Variants in LRP1B observed in about 807,000 individuals in gnomAD.
LRP1B encodes the protein LDL receptor related protein 1B, also known as low-density lipoprotein receptor-related protein 1B.
In LRP1B, 217 loss-of-function variants were observed where a neutral mutation model predicts 556.6. The observed-to-expected ratio is 0.39, with a 90% CI of 0.35 to 0.44. The LOEUF (loss-of-function observed/expected upper bound fraction) is 0.44, where lower values mean the gene tolerates loss of function less well. Ranked by LOEUF, LRP1B falls within the 20% of genes least tolerant of loss-of-function variation. The pLI is 1.00. For missense variants in LRP1B, 5,053 were observed against 5,620.8 expected, an observed-to-expected ratio of 0.90 and a Z score of 3.23; for synonymous variants, 2,047 against 1,865.8, an observed-to-expected ratio of 1.10 and a Z score of -2.50.
intron 41 of LRP1B, among the ~76,000 whole-genome samples, chr2:140,603,111 G>C (rs932220510): frequency 6.6e-6 from 1 of 151,940 alleles, no homozygotes; most frequent in Non-Finnish European, 1.5e-5. Context: ...GTCTTAACTT[G>C]TTTGACTCTA....
At chr2:141,715,863 A>G (rs1692565613) in intron 2 of LRP1B, among the ~76,000 whole-genome samples, 1 of 152,148 alleles carries the variant, frequency 6.6e-6, no homozygotes, top group South Asian at 2.1e-4. Flanking sequence ...CAGTGCAGAA[A>G]CAAACAAAAA....
chr2:141,724,235 C>T (rs1203356527), intron 2 of LRP1B, among the ~76,000 whole-genome samples: 1 of 151,834 alleles, frequency 6.6e-6, no homozygotes, highest in Admixed American at 6.6e-5. Flanking sequence ...AAACAAACTA[C>T]ATATAAGGAT....
At chr2:141,746,899 T>G (rs996433096) in intron 2 of LRP1B, among the ~76,000 whole-genome samples, 2 of 152,154 alleles carry the variant, frequency 1.3e-5, no homozygotes, top group Admixed American at 6.6e-5. Flanking sequence ...CAAGTGATAT[T>G]CCCTCAATGC....
At chr2:142,096,425 C>T (rs549957164) in intron 1 of LRP1B, among the ~76,000 whole-genome samples, 2 of 146,954 alleles carry the variant, frequency 1.4e-5, no homozygotes, top group Admixed American at 6.9e-5. Flanking sequence ...CACATGACCA[C>T]GAAAATAAAT....
intron 1 of LRP1B, among the ~76,000 whole-genome samples, chr2:141,982,885 T>C (rs1440956772): frequency 1.3e-5 from 2 of 152,228 alleles, no homozygotes; most frequent in Non-Finnish European, 2.9e-5. Flanking sequence ...TTTTCTTTTA[T>C]GCTAAACAAG....
At chr2:141,535,179 T>G (rs187855058) in intron 2 of LRP1B, among the ~76,000 whole-genome samples, 37 of 152,302 alleles carry the variant, frequency 2.4e-4, no homozygotes, top group East Asian at 1.9e-3. Context: ...CTTTAAATAC[T>G]CAGGCTTGAC....
intron 49 of LRP1B, among the ~76,000 whole-genome samples, chr2:140,524,707 A>AT (rs1690349637): frequency 6.6e-6 from 1 of 151,880 alleles, no homozygotes; most frequent in Admixed American, 6.6e-5. Flanking sequence ...AGAAAACCAT[A>AT]TATCACATGT....
intron 41 of LRP1B, among the ~76,000 whole-genome samples, chr2:140,683,168 G>A (rs1470180): frequency 0.86 from 131,161 of 152,140 alleles, 56,657 homozygotes; most frequent in Non-Finnish European, 0.89. Context: ...AAGAACACAC[G>A]CATTCCAAGG....
intron 66 of LRP1B, among the ~76,000 whole-genome samples, chr2:140,425,513 C>T (rs570933208): frequency 3.9e-5 from 6 of 152,048 alleles, no homozygotes; most frequent in African/African-American, 7.2e-5. Context: ...TGGGTTCAAG[C>T]GATTCTCCTG....
At chr2:140,262,914 G>A (rs573664920) in intron 86 of LRP1B, among the ~76,000 whole-genome samples, 6 of 152,068 alleles carry the variant, frequency 3.9e-5, no homozygotes, top group African/African-American at 1.4e-4. Flanking sequence ...TGCGAAAACC[G>A]ATAAAAATAT....
chr2:141,131,408 T>TATATATATATATATAC (rs1553464577), intron 7 of LRP1B, among the ~76,000 whole-genome samples: 1 of 3,182 alleles, frequency 3.1e-4, no homozygotes, highest in East Asian at 0.018. Context: ...TGCATAAAGT[T>TATATATATATATATAC]ATATATATAT....
chr2:141,681,478 T>A (rs569402393), intron 2 of LRP1B, among the ~76,000 whole-genome samples: 1 of 149,862 alleles, frequency 6.7e-6, no homozygotes, highest in South Asian at 2.1e-4. Context: ...TAATTCATCA[T>A]TTTATCATTC....
At chr2:140,608,776 AGTATTG>A (rs1445569886) in intron 41 of LRP1B, among the ~76,000 whole-genome samples, 1 of 152,248 alleles carries the variant, frequency 6.6e-6, no homozygotes, top group African/African-American at 2.4e-5. Flanking sequence ...GCCCTGAAAG[AGTATTG>A]AAGCAGATTA....
At chr2:141,595,972 G>T (rs1402924441) in intron 2 of LRP1B, among the ~76,000 whole-genome samples, 1 of 151,920 alleles carries the variant, frequency 6.6e-6, no homozygotes, top group Non-Finnish European at 1.5e-5. Flanking sequence ...AATTATGGAG[G>T]ATCTATAGTT....
At chr2:140,863,444 T>C (rs1488032354) in intron 27 of LRP1B, among the ~76,000 whole-genome samples, 6 of 152,204 alleles carry the variant, frequency 3.9e-5, no homozygotes, top group Admixed American at 3.3e-4. Context: ...CGCCCCCCAA[T>C]ATGTGTTTTA....
chr2:140,397,816 G>A (rs1264184477), intron 66 of LRP1B, among the ~76,000 whole-genome samples: 1 of 151,948 alleles, frequency 6.6e-6, no homozygotes, highest in East Asian at 1.9e-4. Flanking sequence ...TTAAAGATGT[G>A]GATACCTGCT....
At chr2:141,117,051 A>G (rs927288215) in intron 7 of LRP1B, among the ~76,000 whole-genome samples, 3 of 151,988 alleles carry the variant, frequency 2.0e-5, no homozygotes, top group Admixed American at 6.6e-5. Flanking sequence ...CATTTTTTCT[A>G]GATGTATTAA....
At chr2:141,505,713 T>C (rs1683903304) in intron 2 of LRP1B, among the ~76,000 whole-genome samples, 2 of 152,042 alleles carry the variant, frequency 1.3e-5, no homozygotes, top group Non-Finnish European at 2.9e-5. Context: ...GCAAATAATA[T>C]AGTTTGTATT....
rs1573995904 is a variant in LRP1B at position 141,480,451 on chromosome 2, C to T, written c.288G>A (p.Leu96=). 1.2e-6 allele frequency: 2 copies of T among 1,613,958 alleles called. No individual in the cohort carries two copies. The highest frequency in any genetic ancestry group is 1.7e-6 in the Non-Finnish European group (2 of 1,179,930). Residue 96 remains leucine (L), a synonymous_variant, in exon 3 of 91, where the codon CTG becomes CTA. Transcript: ENST00000389484. ...CTGGGCAGTCCAAGACACCATTGCA[C>T]AGCTGGGATAAATGAACACATTTGT... ...GTNKCVHLSQ[L]CNGVLDCPDG... is the part of the protein sequence containing the mutation.
Sources: allele counts gnomAD v4.1 joint callset (sites outside exome capture counted in the v4.1 genomes callset), GRCh38; gene constraint gnomAD v4.1.1; transcripts MANE v1.5; gene names NCBI Gene and HGNC (gene_info 2026-07-23, HGNC 2026-07-21).